RAI2: variants seen among roughly 807,000 people sequenced by gnomAD.
RAI2 encodes the protein retinoic acid-induced protein 2.
A neutral mutation model predicts 15.3 loss-of-function variants in RAI2; 5 were observed. The ratio of observed to expected loss-of-function variants is 0.33; its 90% confidence interval spans 0.17 to 0.69. RAI2 has a LOEUF of 0.69. Ranked by LOEUF, RAI2 falls within the 30% of genes least tolerant of loss-of-function variation. The pLI is 0.69. For synonymous variants in RAI2, 191 were observed against 184.0 expected (o/e 1.04, Z -0.31); for missense variants, 424 against 424.7 (o/e 1.00, Z 0.01).
chrX:17,852,844 C>T (rs962261047), intron 1 of RAI2, among the ~76,000 whole-genome samples: 2 of 111,521 alleles, frequency 1.8e-5, no homozygotes, highest in Admixed American at 1.9e-4. Context: ...TCAATCATTA[C>T]GAAAAATGAT....
At chrX:17,804,701 C>T (rs764273181) in intron 1 of RAI2, among the ~76,000 whole-genome samples, 10 of 112,507 alleles carry the variant, frequency 8.9e-5, no homozygotes, top group Non-Finnish European at 1.7e-4. Flanking sequence ...TCTCCACCCT[C>T]GCAGAAATGG....
intron 1 of RAI2, among the ~76,000 whole-genome samples, chrX:17,844,118 T>C (rs1018316525): frequency 3.6e-5 from 4 of 112,116 alleles, no homozygotes; most frequent in Non-Finnish European, 5.6e-5. Context: ...TTACGATGTA[T>C]GTTCCATAGC....
intron 1 of RAI2, among the ~76,000 whole-genome samples, chrX:17,827,969 A>T (rs769396863): frequency 9.1e-4 from 101 of 110,598 alleles, no homozygotes; most frequent in African/African-American, 3.2e-3. Flanking sequence ...ACCTGGTACA[A>T]TTCTGTCCCT....
chrX:17,830,741 T>TG (rs201463012), intron 1 of RAI2, among the ~76,000 whole-genome samples: 1,254 of 110,725 alleles, frequency 0.011, 20 homozygotes, highest in African/African-American at 0.039. Context: ...GGGGTGTGTG[T>TG]GGGGGGGTGT....
At chrX:17,860,927 C>T (rs995835966) in intron 1 of RAI2, among the ~76,000 whole-genome samples, 171 bp downstream of exon 1, 247 of 105,110 alleles carry the variant, frequency 2.3e-3, no homozygotes, top group African/African-American at 8.1e-3. Flanking sequence ...CCGGCCCTCC[C>T]AGCCGGCCCC....
chrX:17,805,094 G>C (rs2066962351), intron 1 of RAI2, among the ~76,000 whole-genome samples: 1 of 112,673 alleles, frequency 8.9e-6, no homozygotes, highest in Non-Finnish European at 1.9e-5. Flanking sequence ...TGATTCCACA[G>C]GGAGATTAAA....
chrX:17,840,799 A>G (rs1203925298), intron 1 of RAI2, among the ~76,000 whole-genome samples: 1 of 111,943 alleles, frequency 8.9e-6, no homozygotes. Context: ...GAAAGCTTTT[A>G]TGGTTGGACC....
chrX:17,819,907 G>C (rs888816375), intron 1 of RAI2, among the ~76,000 whole-genome samples: 11 of 112,395 alleles, frequency 9.8e-5, no homozygotes, highest in African/African-American at 3.6e-4. Context: ...TGGTTACAAA[G>C]GTGTGTACAA....
intron 1 of RAI2, among the ~76,000 whole-genome samples, chrX:17,814,146 C>G (rs1352971360): frequency 9.1e-6 from 1 of 109,607 alleles, no homozygotes; most frequent in Non-Finnish European, 1.9e-5. Context: ...GCCAATTTAT[C>G]AAACAAGTTA....
intron 1 of RAI2, among the ~76,000 whole-genome samples, chrX:17,821,790 A>G (rs1338645297): frequency 1.8e-5 from 2 of 111,555 alleles, no homozygotes; most frequent in African/African-American, 6.5e-5. Context: ...GGGCAGGGTT[A>G]CGGTTAGAAT....
At chrX:17,809,671 C>T (rs776158252) in intron 1 of RAI2, among the ~76,000 whole-genome samples, 4 of 110,604 alleles carry the variant, frequency 3.6e-5, no homozygotes, top group Non-Finnish European at 5.7e-5. Flanking sequence ...AACGTTACAA[C>T]TCAGCAGGAG....
chrX:17,808,167 C>T (rs1325290207), intron 1 of RAI2, among the ~76,000 whole-genome samples: 1 of 111,394 alleles, frequency 9.0e-6, no homozygotes, highest in South Asian at 3.8e-4. Context: ...TCCAATGTGG[C>T]CCAGGGAAGC....
intron 1 of RAI2, among the ~76,000 whole-genome samples, chrX:17,811,456 T>G (rs920728079): frequency 1.8e-5 from 2 of 112,577 alleles, no homozygotes; most frequent in African/African-American, 6.5e-5. Context: ...TGGACATTTT[T>G]CTGGCAACAA....
At chrX:17,853,124 T>C (rs962008734) in intron 1 of RAI2, among the ~76,000 whole-genome samples, 4 of 110,809 alleles carry the variant, frequency 3.6e-5, no homozygotes, top group Non-Finnish European at 7.6e-5. Flanking sequence ...AAAAAGAAAT[T>C]AGGGAGGAAT....
intron 1 of RAI2, among the ~76,000 whole-genome samples, chrX:17,817,301 C>T (rs1395832217): frequency 9.0e-6 from 1 of 111,188 alleles, no homozygotes; most frequent in East Asian, 2.9e-4. Flanking sequence ...GGCTTTCATA[C>T]CAGTGGCTTT....
intron 1 of RAI2, among the ~76,000 whole-genome samples, chrX:17,817,517 G>A (rs961600137): frequency 8.9e-5 from 10 of 112,645 alleles, no homozygotes; most frequent in African/African-American, 3.2e-4. Flanking sequence ...CATTCACAGA[G>A]CTGGCAGGGA....
chrX:17,855,741 A>AT (rs751153979), intron 1 of RAI2, among the ~76,000 whole-genome samples: 3 of 111,605 alleles, frequency 2.7e-5, no homozygotes, highest in East Asian at 2.8e-4. Context: ...TGTAATTTAA[A>AT]TTTTTTTTGT....
At chrX:17,836,299 T>C (rs1276984716) in intron 1 of RAI2, among the ~76,000 whole-genome samples, 4 of 111,967 alleles carry the variant, frequency 3.6e-5, no homozygotes, top group African/African-American at 1.3e-4. Flanking sequence ...GAAAATATTG[T>C]AGTCAAAAAT....
chrX:17,800,566 C>T lies in RAI2; in HGVS notation c.1445G>A (p.Ser482Asn). 1 of 1,211,070 alleles carries T rather than the reference C, an allele frequency of 8.3e-7. No homozygotes were observed. Among genetic ancestry groups the T allele is most frequent in the Non-Finnish European group, 1.1e-6 (1 of 894,947 alleles). Residue 482 changes from serine to asparagine, a missense_variant, in exon 2 of 2, where the codon AGC becomes AAC. Transcript: ENST00000451717. ...DSVLQGYDIN[S>N]QGEESMGNAE... ...ATTTCCCATGGACTCTTCCCCTTGG[C>T]TGTTGATGTCATAGCCCTGAAGCAC...
Sources: allele counts gnomAD v4.1 joint callset (sites outside exome capture counted in the v4.1 genomes callset), GRCh38; gene constraint gnomAD v4.1.1; transcripts MANE v1.5; gene names NCBI Gene and HGNC (gene_info 2026-07-23, HGNC 2026-07-21).